IGFLR1: variants seen among roughly 807,000 people sequenced by gnomAD.
IGFLR1 encodes IGF-like family receptor 1.
Under a neutral mutation model 23.4 loss-of-function variants are expected in IGFLR1, and 17 were observed. The observed-to-expected ratio is 0.73, with a 90% CI of 0.50 to 1.09. The LOEUF (loss-of-function observed/expected upper bound fraction) is 1.09. IGFLR1 is among the 50% of genes least tolerant of loss of function. IGFLR1 has a pLI of 0.00. For missense variants in IGFLR1, 556 were observed against 459.2 expected (o/e 1.21, Z -1.93); for synonymous variants, 265 against 210.7 (o/e 1.26, Z -2.23).
intron 1 of IGFLR1, among the ~76,000 whole-genome samples, chr19:35,741,941 G>C (rs1276232769): frequency 1.3e-5 from 2 of 152,116 alleles, no homozygotes; most frequent in African/African-American, 2.4e-5. Context: ...GTGAAACCCT[G>C]TCTCTATTAA....
At position 35,739,088 on chromosome 19, in the gene IGFLR1, T is replaced by C. The variant is rs1346094745; in HGVS notation, c.*192A>G. On this transcript the variant is annotated 3_prime_UTR_variant, in exon 5 of 5. Transcript: ENST00000246532. ...CAGGGTTGTTTCCCAGAGGGGATTC[T>C]GGTGGCCCAGAGGCACCTGGGGTCA... 3.3e-6 allele frequency: 2 copies of C among 600,480 alleles called. No individual in the cohort carries two copies. Among genetic ancestry groups the C allele is most frequent in the African/African-American group, 1.9e-5 (1 of 53,942 alleles). 37.2% of individuals were successfully genotyped at this position (600,480 alleles called of 1,614,324 possible). A position where few individuals can be genotyped will look rare whatever the true frequency, so the allele number is the denominator to read the frequency against.
intron 2 of IGFLR1, 105 bp downstream of exon 2, chr19:35,740,919 C>G (rs538459686): frequency 9.1e-7 from 1 of 1,095,830 alleles, no homozygotes; most frequent in African/African-American, 1.6e-5. Flanking sequence ...ACCGCTTAGA[C>G]CCCTAAGCAA....
In IGFLR1 at chr19:35,739,543, G is replaced by A; in HGVS notation, c.805C>T (p.Pro269Ser). The A allele has an allele frequency of 6.2e-7, 1 of 1,614,130 alleles. No individual in the cohort carries two copies. The highest frequency in any genetic ancestry group is 8.5e-7 in the Non-Finnish European group (1 of 1,180,036). ...ATACCCCCACCTGGCCCAGGCTCAG[G>A]GTCCAGCAGTACAATCAGCTCTTCC... The part of the protein sequence containing the change: ...VLEELIVLLD[P>S]EPGPGGGMAH... The change falls in exon 5 of 5, where the codon CCT becomes TCT. Residue 269 changes from proline to serine, a missense_variant. By Grantham distance (74) the Pro-to-Ser change is moderately conservative. Transcript: ENST00000246532.
In IGFLR1 at chr19:35,739,993, G is replaced by A. The variant is rs777997032; in HGVS notation, c.438C>T (p.Ala146=). 55 of 1,614,022 alleles carry A rather than the reference G, an allele frequency of 3.4e-5. No homozygotes were observed. Among genetic ancestry groups the A allele is most frequent in the Non-Finnish European group, 4.6e-5 (54 of 1,180,012 alleles). The change falls in exon 4 of 5, where the codon GCC becomes GCT. Residue 146 remains alanine (A), a synonymous_variant. Transcript: ENST00000246532. The part of the protein sequence containing the change: ...QERSSPASSI[A]WRTPEPVPQQ... ...GAGGGACAGGCTCAGGGGTCCTCCA[G>A]GCAATGGAACTTGCTGGTGAGCTGC...
In IGFLR1 at chr19:35,739,302, G is replaced by A; in HGVS notation, c.1046C>T (p.Ser349Leu). 6.3e-7 allele frequency: 1 copy of A among 1,597,384 alleles called. No individual in the cohort carries two copies. The highest frequency in any genetic ancestry group is 8.6e-7 in the Non-Finnish European group (1 of 1,169,208). Residue 349 changes from serine (S) to leucine (L), a missense_variant, in exon 5 of 5, where the codon TCA becomes TTA. Ser to Leu is a moderately radical substitution (Grantham distance 145). Transcript: ENST00000246532. Reference protein sequence around the residue: ...DALRVLSKLGSSGVCWA With the variant: ...DALRVLSKLGLSGVCWA ...GTGTTAAGCCCAGCAAACCCCAGATGAGCCAAGCTTGGACAGCACCCGCAA... is the reference window on the plus strand; with the variant it reads ...GTGTTAAGCCCAGCAAACCCCAGATAAGCCAAGCTTGGACAGCACCCGCAA...
intron 2 of IGFLR1, chr19:35,740,788 A>ACCCTTTCCACGCGGC: frequency 8.0e-6 from 5 of 626,558 alleles, no homozygotes; most frequent in Non-Finnish European, 1.1e-5. Context: ...CATAAAGCCC[A>ACCCTTTCCACGCGGC]CCCTTTCCAC....
chr19:35,740,891 CT>C (rs1970190422), intron 2 of IGFLR1, 132 bp downstream of exon 2: 1 of 808,890 alleles, frequency 1.2e-6, no homozygotes, highest in East Asian at 2.7e-5. Flanking sequence ...CCATCCCTGT[CT>C]GATCTGCATA....
chr19:35,741,181 C>CT lies in IGFLR1; in HGVS notation c.-2dup, dbSNP rs1568392803. 13 of 1,610,448 alleles carry CT rather than the reference C, an allele frequency of 8.1e-6. No homozygotes were observed. Among genetic ancestry groups the CT allele is most frequent in the Non-Finnish European group, 1.1e-5 (13 of 1,178,754 alleles). On this transcript the variant is annotated 5_prime_UTR_variant, in exon 2 of 5. Coordinates refer to ENST00000246532, the MANE Select transcript of IGFLR1 (RefSeq NM_024660.4). ...TCAGGAGGCATCGTCCAGGCCCCAT[C>CT]TGGGGGGCCGTGATAGCGGGACTTC...
chr19:35,740,628 C>A, intron 2 of IGFLR1, 64 bp from the exon 3 acceptor site: 1 of 1,466,786 alleles, frequency 6.8e-7, no homozygotes, highest in South Asian at 1.3e-5. Context: ...AACGCCCTCT[C>A]CCTTCGCCCT....
intron 3 of IGFLR1, 113 bp from the exon 4 acceptor site, chr19:35,740,201 T>C: frequency 7.2e-7 from 1 of 1,382,922 alleles, no homozygotes; most frequent in Non-Finnish European, 9.5e-7. Context: ...ATACGGTATC[T>C]GATAAGGTAG....
At chr19:35,740,216 GC>G in intron 3 of IGFLR1, 128 bp from the exon 4 acceptor site, 1 of 1,337,978 alleles carries the variant, frequency 7.5e-7, no homozygotes, top group Non-Finnish European at 9.9e-7. Context: ...AGGTAGTTGG[GC>G]CCCGCAAGGC....
chr19:35,741,355 GC>G (rs1156901432), intron 1 of IGFLR1, 132 bp from the exon 2 acceptor site: 1 of 845,768 alleles, frequency 1.2e-6, no homozygotes, highest in East Asian at 2.7e-5. Context: ...TATCAGAGAA[GC>G]CCACAAGGCC....
chr19:35,738,872 G>A lies in IGFLR1; in HGVS notation c.*408C>T. ...CCCCCCCACAATAAAGTCTGTCAAT[G>A]TTTGGAGAGGTGGTCTTCCCATTTG... On this transcript the variant is annotated 3_prime_UTR_variant, in exon 5 of 5. Coordinates refer to ENST00000246532, the MANE Select transcript of IGFLR1 (RefSeq NM_024660.4). This position sits in a 1 kb window ranked among gnomAD's most constrained non-coding sequence, Gnocchi z 8.7. The A allele has an allele frequency of 4.2e-6, 2 of 472,084 alleles. No homozygotes were observed. The highest frequency in any genetic ancestry group is 3.7e-5 in the East Asian group (1 of 27,074). The allele number at this position is 472,084 out of a possible 1,614,324, so 29.2% of individuals were successfully genotyped here. A position where few individuals can be genotyped will look rare whatever the true frequency, so the allele number is the denominator to read the frequency against.
chr19:35,741,265 G>A (rs1204955195), intron 1 of IGFLR1, 42 bp from the exon 2 acceptor site: 3 of 1,550,334 alleles, frequency 1.9e-6, no homozygotes, highest in Middle Eastern at 1.7e-4. Flanking sequence ...AGGACGCGGT[G>A]ATGTGGGGGA....
Position 35,740,246 on chromosome 19 carries a change from G to A in IGFLR1, c.342+134C>T, listed in dbSNP as rs1644691595. On this transcript the variant is annotated intron_variant, in intron 3 of 4. Coordinates refer to ENST00000246532, the MANE Select transcript of IGFLR1 (RefSeq NM_024660.4). ...GCAAGGCCCAACTACCTTAACCTAGGACCTCCCGACCCCTGCAGGCCAGCC... is the reference window on the plus strand; with the variant it reads ...GCAAGGCCCAACTACCTTAACCTAGAACCTCCCGACCCCTGCAGGCCAGCC... 2.7e-5 allele frequency: 35 copies of A among 1,311,622 alleles called. 1 individual carries two copies. The highest frequency in any genetic ancestry group is 5.5e-4 in the Middle Eastern group (2 of 3,648). 81.2% of individuals were successfully genotyped at this position (1,311,622 alleles called of 1,614,324 possible).
In IGFLR1 at chr19:35,739,420, G is replaced by C. The variant is rs766328724; in HGVS notation, c.928C>G (p.Arg310Gly). The C allele has an allele frequency of 3.7e-6, 6 of 1,613,676 alleles. No individual in the cohort carries two copies. The highest frequency in any genetic ancestry group is 8.5e-7 in the Non-Finnish European group (1 of 1,179,944). Residue 310 changes from arginine (R) to glycine (G), a missense_variant, in exon 5 of 5, where the codon CGG becomes GGG. Coordinates refer to ENST00000246532, the MANE Select transcript of IGFLR1 (RefSeq NM_024660.4). The stretch of plus-strand genomic sequence containing the variant: ...GCCACCACCATCTCAATCAGAGCCC[G>C]CAGCGGCGAGCGACTCGGCCTCAGC... Reference protein sequence around the residue: ...YSLRPSRSPLRALIEMVVARE... With the variant: ...YSLRPSRSPLGALIEMVVARE...
Position 35,739,805 on chromosome 19 carries a change from G to A in IGFLR1, c.626C>T (p.Thr209Ile), listed in dbSNP as rs761074490. The A allele has an allele frequency of 2.5e-6, 4 of 1,592,104 alleles. No homozygotes were observed. The highest frequency in any genetic ancestry group is 2.3e-5 in the South Asian group (2 of 88,138). The change falls in exon 4 of 5, where the codon ACC becomes ATC. Residue 209 changes from threonine (T) to isoleucine (I), a missense_variant. Transcript: ENST00000246532. ...YPGLVCGVPN[T>I]HTPSSSHLSS... ...CAGATGCGAGGAGGAAGGGGTGTGG[G>A]TGTTGGGGACTCCGCAGACCAAGCC...
Position 35,739,167 on chromosome 19 carries a change from A to T in IGFLR1, c.*113T>A. 9.5e-7 allele frequency: 1 copy of T among 1,049,296 alleles called. No homozygotes were observed. Among genetic ancestry groups the T allele is most frequent in the African/African-American group, 1.6e-5 (1 of 62,190 alleles). The allele number at this position is 1,049,296 out of a possible 1,614,324, so 65.0% of individuals were successfully genotyped here. A position where few individuals can be genotyped will look rare whatever the true frequency, so the allele number is the denominator to read the frequency against. On this transcript the variant is annotated 3_prime_UTR_variant, in exon 5 of 5. Transcript: ENST00000246532. Reference sequence around the variant, plus strand: ...GTTGGAATAGGCCCTTCTAGGGCGAAGAGCAGTGAGGCTATCTGTTGGGTC... The same window carrying T: ...GTTGGAATAGGCCCTTCTAGGGCGATGAGCAGTGAGGCTATCTGTTGGGTC...
rs1970049461 is a variant in IGFLR1, at chr19:35,739,220, A to T, written c.*60T>A. On this transcript the variant is annotated 3_prime_UTR_variant, in exon 5 of 5. Transcript: ENST00000246532. The stretch of plus-strand genomic sequence containing the variant: ...TGCCCAATTAGGATTGTACTTCAAG[A>T]AGTACTTCAGTGCTAATTGTATACT... 3 of 1,391,222 alleles carry T rather than the reference A, an allele frequency of 2.2e-6. No individual in the cohort carries two copies. The South Asian group carries it at 4.3e-5, about 20-fold the overall frequency. 86.2% of individuals were successfully genotyped at this position (1,391,222 alleles called of 1,614,324 possible). A position where few individuals can be genotyped will look rare whatever the true frequency, so the allele number is the denominator to read the frequency against.
Sources: gnomAD v4.1 joint callset for allele counts (sites outside exome capture counted in the v4.1 genomes callset) on GRCh38, gnomAD v4.1.1 for gene constraint, Gnocchi (gnomAD v3.1) non-coding constraint, MANE v1.5 for transcripts, NCBI Gene and HGNC (gene_info 2026-07-23, HGNC 2026-07-21) for gene names.